The following AWAT1 variants were observed in gnomAD, a reference collection of about 807,000 sequenced individuals.
AWAT1 encodes the protein diacyl-glycerol acyltransferase 2.
In AWAT1, 26 loss-of-function variants were observed where a neutral mutation model predicts 21.6. That is an observed-to-expected ratio of 1.20 (90% CI 0.88 to 1.67). The LOEUF (loss-of-function observed/expected upper bound fraction) is 1.67. Ranked by LOEUF, AWAT1 falls within the 40% of genes most tolerant of loss-of-function variation. AWAT1 has a pLI of 0.00. For synonymous variants in AWAT1, 102 were observed against 99.3 expected (o/e 1.03, Z -0.16); for missense variants, 264 against 249.4 (o/e 1.06, Z -0.39).
intron 3 of AWAT1, among the ~76,000 whole-genome samples, 172 bp from the exon 4 acceptor site, chrX:70,236,872 T>C (rs1286512346): frequency 8.9e-6 from 1 of 111,900 alleles, no homozygotes; most frequent in Non-Finnish European, 1.9e-5. Context: ...AGATCCTACC[T>C]TGTTGTCCAA....
intron 4 of AWAT1, among the ~76,000 whole-genome samples, chrX:70,237,575 T>C (rs1426400462): frequency 1.8e-5 from 2 of 109,652 alleles, no homozygotes; most frequent in Admixed American, 2.0e-4. Context: ...CTCACGCCTG[T>C]AATCCCAGCA....
chrX:70,235,923 C>A, intron 2 of AWAT1, 100 bp downstream of exon 2: 1 of 941,231 alleles, frequency 1.1e-6, no homozygotes, highest in Non-Finnish European at 1.5e-6. Context: ...GTTCTCAGAG[C>A]CACAGGAGCT....
intron 3 of AWAT1, 102 bp downstream of exon 3, chrX:70,236,241 G>A: frequency 3.0e-6 from 2 of 677,014 alleles, no homozygotes; most frequent in Non-Finnish European, 4.7e-6. Flanking sequence ...GTATCCCAGG[G>A]AAGTCTCAGT....
At chrX:70,238,433 G>C in intron 5 of AWAT1, 50 bp downstream of exon 5, 1 of 1,092,203 alleles carries the variant, frequency 9.2e-7, no homozygotes, top group South Asian at 2.4e-5. Context: ...TGAGCAGCAT[G>C]ACCCTGTCGG....
chrX:70,236,725 G>A (rs1471561085), intron 3 of AWAT1, among the ~76,000 whole-genome samples: 3 of 111,277 alleles, frequency 2.7e-5, no homozygotes, highest in Non-Finnish European at 5.7e-5. Context: ...ACACCACCCC[G>A]ACTTTTAGAG....
chrX:70,240,405 C>A lies in AWAT1; in HGVS notation c.*115C>A. On this transcript the variant is annotated 3_prime_UTR_variant, in exon 7 of 7. Coordinates refer to ENST00000374521, the MANE Select transcript of AWAT1 (RefSeq NM_001013579.3). ...GGAGGTTATATGTGGTAGGGGAGGG[C>A]ATGAGGAATTCCTTCTTTGCCTTCT... is the stretch of plus-strand genomic sequence containing the variant. The A allele has an allele frequency of 1.2e-6, 1 of 823,255 alleles. No individual in the cohort carries two copies. The highest frequency in any genetic ancestry group is 1.7e-6 in the Non-Finnish European group (1 of 581,988). The allele number at this position is 823,255 out of a possible 1,213,427, so 67.8% of individuals were successfully genotyped here.
In AWAT1 at chrX:70,239,939, G is replaced by C; in HGVS notation, c.832+5G>C. 2 of 1,205,903 alleles carry C rather than the reference G, an allele frequency of 1.7e-6. No individual in the cohort carries two copies. The highest frequency in any genetic ancestry group is 1.1e-6 in the Non-Finnish European group (1 of 891,444). On this transcript the variant is annotated splice_donor_5th_base_variant and intron_variant, in intron 6 of 6. Transcript: ENST00000374521. ...CCAGGCCTATTGTCACTGTGGGTGA[G>C]TGCCACTCTCAGCCCCAGTGCCACC...
At chrX:70,240,010 G>A in intron 6 of AWAT1, 76 bp downstream of exon 6, 1 of 1,138,085 alleles carries the variant, frequency 8.8e-7, no homozygotes, top group Non-Finnish European at 1.2e-6. Context: ...CCAAAGAAGA[G>A]GGCAGCAGAG....
chrX:70,240,120 C>G lies in AWAT1; in HGVS notation c.833-16C>G. 2.5e-6 allele frequency: 3 copies of G among 1,208,049 alleles called. No individual in the cohort carries two copies. The highest frequency in any genetic ancestry group is 3.4e-6 in the Non-Finnish European group (3 of 893,818). On this transcript the variant is annotated splice_polypyrimidine_tract_variant and intron_variant, in intron 6 of 6. Transcript: ENST00000374521. ...CCTAACACTTTCCTCTTCTCTTTTC[C>G]GATCTCTCTTGGCAGTTGGGGAGCC...
rs372598538 is a variant in AWAT1 at position 70,237,046 on chromosome X, C to T, written c.258C>T (p.Ile86=). The change falls in exon 4 of 7, where the codon ATC becomes ATT. Residue 86 remains isoleucine (I), a splice_region_variant and synonymous_variant. Coordinates refer to ENST00000374521, the MANE Select transcript of AWAT1 (RefSeq NM_001013579.3). ...THIRDYFPIT[I]LKTKDLSPEH... is the part of the protein sequence containing the mutation. ...GGCATTTCTCTCCATGGCTGCAGATCCTGAAGACAAAGGACCTATCACCTG... is the reference window on the plus strand; with the variant it reads ...GGCATTTCTCTCCATGGCTGCAGATTCTGAAGACAAAGGACCTATCACCTG... 69 of 1,201,383 alleles carry T rather than the reference C, an allele frequency of 5.7e-5. No individual in the cohort carries two copies. In the African/African-American group the frequency reaches 8.4e-4, roughly 15 times the overall value.
chrX:70,236,626 A>G (rs1385245395), intron 3 of AWAT1, among the ~76,000 whole-genome samples: 1 of 111,648 alleles, frequency 9.0e-6, no homozygotes, highest in African/African-American at 3.3e-5. Flanking sequence ...AGGCACTGGA[A>G]GGGGATTGGC....
chrX:70,238,501 G>A, intron 5 of AWAT1, 118 bp downstream of exon 5: 3 of 794,832 alleles, frequency 3.8e-6, no homozygotes, highest in African/African-American at 4.2e-5. Context: ...TACCAAGTAA[G>A]AAAAATGGGT....
At position 70,238,231 on chromosome X, in the gene AWAT1, G is replaced by T. The variant is rs1161116119; in HGVS notation, c.480G>T (p.Gln160His). ...LMAKGVCSVS[Q>H]PAINYLLSHG... The stretch of plus-strand genomic sequence containing the variant: ...CTTTAGGTGTGTGCTCTGTGAGCCA[G>T]CCAGCCATCAACTATCTGCTGAGCC... Residue 160 changes from glutamine to histidine, a missense_variant, in exon 5 of 7, where the codon CAG becomes CAT. Transcript: ENST00000374521. 5 of 1,208,407 alleles carry T rather than the reference G, an allele frequency of 4.1e-6. No homozygotes were observed. The East Asian group carries it at 1.5e-4, about 36-fold the overall frequency.
rs770028031 is a variant in AWAT1 at position 70,235,670 on chromosome X, A to G, written c.77-46A>G. ...CTGGTGATGGGACTGGGCATGGTCA[A>G]GTTCTGCTGGCAGCACAAATTTGGT... On this transcript the variant is annotated intron_variant, in intron 1 of 6. Transcript: ENST00000374521. The G allele has an allele frequency of 1.8e-5, 18 of 1,008,947 alleles. No individual in the cohort carries two copies. The Admixed American group carries it at 3.9e-4, about 22-fold the overall frequency. 83.1% of individuals were successfully genotyped at this position (1,008,947 alleles called of 1,213,427 possible).
intron 5 of AWAT1, 108 bp downstream of exon 5, chrX:70,238,491 T>A (rs1569213809): frequency 5.8e-6 from 5 of 865,836 alleles, no homozygotes; most frequent in African/African-American, 4.1e-5. Flanking sequence ...AGGAACATAC[T>A]ACCAAGTAAG....
chrX:70,237,394 C>T, intron 4 of AWAT1, 146 bp downstream of exon 4: 1 of 545,672 alleles, frequency 1.8e-6, no homozygotes, highest in Non-Finnish European at 2.9e-6. Context: ...AGCTAAGCTG[C>T]CTGGCATTGA....
chrX:70,237,650 G>C (rs976593373), intron 4 of AWAT1, among the ~76,000 whole-genome samples: 3 of 108,183 alleles, frequency 2.8e-5, no homozygotes, highest in African/African-American at 6.8e-5. Flanking sequence ...TAGCCAACAT[G>C]GGAAAACCCC....
rs4314814 is a variant in AWAT1 at position 70,236,068 on chromosome X, G to T, written c.185-1G>T. ...ATCCCCTACTTCTTCTTTTGCCTCA[G>T]GTGGCAGGCGTTCGGCCTGGGTAAG... On this transcript the variant is annotated splice_acceptor_variant, in intron 2 of 6. Transcript: ENST00000374521. LOFTEE classifies it high-confidence loss of function. 8.3e-7 allele frequency: 1 copy of T among 1,208,230 alleles called. No individual in the cohort carries two copies. Among genetic ancestry groups the T allele is most frequent in the Non-Finnish European group, 1.1e-6 (1 of 892,350 alleles).
Position 70,238,361 on chromosome X carries a change from G to A in AWAT1, c.610G>A (p.Val204Met), listed in dbSNP as rs746628939. The stretch of plus-strand genomic sequence containing the variant: ...CATCCTCCAGAAGCGCAAGGGGTTC[G>A]TGCGCACAGCCCTCCAGCATGGGTA... ...TLILQKRKGF[V>M]RTALQHGAHL... Residue 204 changes from valine (V) to methionine (M), a missense_variant, in exon 5 of 7, where the codon GTG becomes ATG. Coordinates refer to ENST00000374521, the MANE Select transcript of AWAT1 (RefSeq NM_001013579.3). The A allele has an allele frequency of 3.6e-5, 43 of 1,199,570 alleles. No individual in the cohort carries two copies. Among genetic ancestry groups the A allele is most frequent in the South Asian group, 1.8e-4 (10 of 55,477 alleles).
Sources: allele counts gnomAD v4.1 joint callset (sites outside exome capture counted in the v4.1 genomes callset), GRCh38; gene constraint gnomAD v4.1.1; transcripts MANE v1.5; gene names NCBI Gene and HGNC (gene_info 2026-07-23, HGNC 2026-07-21).